Variants in ADK observed in about 807,000 individuals in gnomAD.
ADK encodes the protein adenosine kinase.
Under a neutral mutation model 44.7 loss-of-function variants are expected in ADK, and 24 were observed. The observed-to-expected ratio is 0.54, with a 90% CI of 0.39 to 0.76. ADK has a LOEUF of 0.76. Ranked by LOEUF, ADK falls within the 30% of genes least tolerant of loss-of-function variation. The pLI, the probability that ADK is intolerant of heterozygous loss-of-function variation, is 0.00. For synonymous variants in ADK, 128 were observed against 142.6 expected, an observed-to-expected ratio of 0.90 and a Z score of 0.73; for missense variants, 321 against 425.1, an observed-to-expected ratio of 0.76 and a Z score of 2.15.
chr10:74,353,651 A>G (rs1366944730), intron 4 of ADK, among the ~76,000 whole-genome samples: 1 of 151,604 alleles, frequency 6.6e-6, no homozygotes, highest in African/African-American at 2.4e-5. Flanking sequence ...GGTGGATCAC[A>G]AGGTCAGGAG....
intron 3 of ADK, among the ~76,000 whole-genome samples, chr10:74,297,814 A>C (rs530478665): frequency 5.9e-5 from 9 of 152,222 alleles, no homozygotes; most frequent in Non-Finnish European, 1.0e-4. Context: ...TGTATTGTCT[A>C]TGGCTGCCTT....
chr10:74,558,839 T>A (rs953547032), intron 7 of ADK, among the ~76,000 whole-genome samples: 10 of 152,222 alleles, frequency 6.6e-5, no homozygotes, highest in Non-Finnish European at 5.9e-5. Flanking sequence ...CAACCCTGCA[T>A]GCACCTTGAT....
chr10:74,389,351 A>G (rs527738663), intron 4 of ADK, among the ~76,000 whole-genome samples: 2 of 152,200 alleles, frequency 1.3e-5, no homozygotes, highest in African/African-American at 2.4e-5. Flanking sequence ...GCAGACATGC[A>G]TTAAATGTTT....
At chr10:74,628,011 C>T (rs1853276822) in intron 9 of ADK, among the ~76,000 whole-genome samples, 1 of 152,220 alleles carries the variant, frequency 6.6e-6, no homozygotes, top group East Asian at 1.9e-4. Context: ...TTTGAGCATA[C>T]GAGGTGGATC....
intron 7 of ADK, among the ~76,000 whole-genome samples, chr10:74,569,595 A>G (rs1377095971): frequency 6.6e-6 from 1 of 152,152 alleles, no homozygotes; most frequent in Non-Finnish European, 1.5e-5. Context: ...GTGTCTGTTC[A>G]TATCCTTCGC....
At chr10:74,197,980 T>A (rs1277801564) in intron 1 of ADK, among the ~76,000 whole-genome samples, 1 of 152,162 alleles carries the variant, frequency 6.6e-6, no homozygotes, top group African/African-American at 2.4e-5. Flanking sequence ...TTGTTGTTAT[T>A]GTGATGAAAA....
At chr10:74,304,118 G>T (rs1840170936) in intron 3 of ADK, among the ~76,000 whole-genome samples, 1 of 152,098 alleles carries the variant, frequency 6.6e-6, no homozygotes, top group Non-Finnish European at 1.5e-5. Context: ...TTGTTTAGTG[G>T]GTTATTGAAT....
intron 8 of ADK, among the ~76,000 whole-genome samples, chr10:74,590,689 G>C (rs1398889401): frequency 6.6e-6 from 1 of 152,002 alleles, no homozygotes; most frequent in East Asian, 1.9e-4. Flanking sequence ...TTTAGAAAAA[G>C]GATTTCCAAG....
chr10:74,228,541 A>G (rs1272877572), intron 3 of ADK, among the ~76,000 whole-genome samples: 5 of 152,196 alleles, frequency 3.3e-5, no homozygotes, highest in African/African-American at 1.2e-4. Context: ...CATTAAAGAA[A>G]AGATAGTGTG....
At chr10:74,169,423 C>G (rs751602919) in intron 1 of ADK, among the ~76,000 whole-genome samples, 2 of 152,070 alleles carry the variant, frequency 1.3e-5, no homozygotes, top group African/African-American at 2.4e-5. Context: ...CTTGTACTTT[C>G]AGATTGGAGT....
At chr10:74,437,990 A>G (rs1005503209) in intron 6 of ADK, among the ~76,000 whole-genome samples, 1 of 152,186 alleles carries the variant, frequency 6.6e-6, no homozygotes, top group African/African-American at 2.4e-5. Context: ...TGACTCATGT[A>G]TAACCTTCAA....
At chr10:74,490,158 A>G (rs1847424537) in intron 6 of ADK, among the ~76,000 whole-genome samples, 1 of 152,078 alleles carries the variant, frequency 6.6e-6, no homozygotes, top group Admixed American at 6.6e-5. Flanking sequence ...TTCAATAAGG[A>G]AGAAAATAAG....
intron 7 of ADK, among the ~76,000 whole-genome samples, chr10:74,543,179 C>A (rs1748435903): frequency 6.6e-6 from 1 of 150,870 alleles, no homozygotes; most frequent in Non-Finnish European, 1.5e-5. Flanking sequence ...GGATTACAGG[C>A]GTGAGCCACA....
intron 6 of ADK, among the ~76,000 whole-genome samples, chr10:74,483,417 C>G (rs1385996393): frequency 6.6e-6 from 1 of 152,188 alleles, no homozygotes; most frequent in Non-Finnish European, 1.5e-5. Flanking sequence ...GGAGGGGCTG[C>G]TGCAAATGTC....
chr10:74,174,744 T>G (rs1842272637), intron 1 of ADK: 1 of 152,276 alleles, frequency 6.6e-6, no homozygotes, highest in South Asian at 2.1e-4. Context: ...GGTCAAAGTC[T>G]TAACCACGCC....
intron 4 of ADK, among the ~76,000 whole-genome samples, chr10:74,318,818 A>T (rs931134110): frequency 6.6e-6 from 1 of 152,244 alleles, no homozygotes; most frequent in African/African-American, 2.4e-5. Flanking sequence ...TTTTTATAGA[A>T]CTATAAACTA....
chr10:74,177,284 T>C (rs970296819), intron 1 of ADK, among the ~76,000 whole-genome samples: 2 of 152,186 alleles, frequency 1.3e-5, no homozygotes, highest in Non-Finnish European at 1.5e-5. Context: ...ACTTCATTGT[T>C]GGCCGGGAGC....
intron 10 of ADK, among the ~76,000 whole-genome samples, chr10:74,677,184 G>A (rs1407735558): frequency 6.6e-6 from 1 of 152,248 alleles, no homozygotes; most frequent in Non-Finnish European, 1.5e-5. Context: ...GGTCGAAGCT[G>A]CAGTGAGCTG....
At chr10:74,447,246 A>G (rs1845618574) in intron 6 of ADK, among the ~76,000 whole-genome samples, 1 of 152,164 alleles carries the variant, frequency 6.6e-6, no homozygotes. Flanking sequence ...GTGATAAAGT[A>G]TGGAGAAGAG....
Sources: gnomAD v4.1 joint callset for allele counts (sites outside exome capture counted in the v4.1 genomes callset) on GRCh38, gnomAD v4.1.1 for gene constraint, MANE v1.5 for transcripts, NCBI Gene and HGNC (gene_info 2026-07-23, HGNC 2026-07-21) for gene names.